Variants in SMYD3 observed in about 807,000 individuals in gnomAD.
The protein encoded by SMYD3 is histone-lysine N-methyltransferase SMYD3.
Under a neutral mutation model 57.7 loss-of-function variants are expected in SMYD3, and 36 were observed. The observed-to-expected ratio is 0.62, with a 90% confidence interval of 0.48 to 0.82. The LOEUF is 0.82. SMYD3 is among the 40% of genes least tolerant of loss of function. The pLI, the probability that SMYD3 is intolerant of heterozygous loss-of-function variation, is 0.00. For synonymous variants in SMYD3, 211 were observed against 195.0 expected, an observed-to-expected ratio of 1.08 and a Z score of -0.68; for missense variants, 515 against 538.8, an observed-to-expected ratio of 0.96 and a Z score of 0.44.
intron 1 of SMYD3, among the ~76,000 whole-genome samples, chr1:246,482,805 T>C (rs1354030577): frequency 4.6e-5 from 7 of 152,208 alleles, no homozygotes; most frequent in Non-Finnish European, 8.8e-5. Flanking sequence ...CAAGGCCATA[T>C]ACTTCTCAGT....
At position 246,228,474 on chromosome 1, in the gene SMYD3, G is replaced by C. The variant is rs961138879; in HGVS notation, c.531+98727C>G. On this transcript the variant is annotated intron_variant, in intron 5 of 11. Transcript: ENST00000490107. Reference sequence around the variant, plus strand: ...ACATTTTGAGGCATAAGAAAATCAAGTATCTGGTTCTGATTTCCACTCTAC... The same window carrying C: ...ACATTTTGAGGCATAAGAAAATCAACTATCTGGTTCTGATTTCCACTCTAC... Among the ~76,000 whole-genome samples the C allele has an allele frequency of 4.6e-5, 7 of 152,196 alleles. 1 individual carries two copies. The highest frequency in any genetic ancestry group is 1.3e-4 in the Admixed American group (2 of 15,276).
chr1:246,327,977 T>G (rs1197748648), intron 4 of SMYD3, among the ~76,000 whole-genome samples: 1 of 152,166 alleles, frequency 6.6e-6, no homozygotes, highest in African/African-American at 2.4e-5. Context: ...GCAGATCACT[T>G]GAGGTCAGTA....
chr1:246,010,486 C>CCT (rs1181179489), intron 5 of SMYD3, among the ~76,000 whole-genome samples: 1 of 152,162 alleles, frequency 6.6e-6, no homozygotes, highest in Non-Finnish European at 1.5e-5. Context: ...TAATAAACTC[C>CCT]CTCTCTGTTT....
At chr1:245,909,272 T>C (rs10924384) in intron 8 of SMYD3, among the ~76,000 whole-genome samples, 13,687 of 151,926 alleles carry the variant, frequency 0.09, 1,919 homozygotes, top group African/African-American at 0.3. Context: ...ACAGAAAACG[T>C]GAACAGAACA....
intron 5 of SMYD3, among the ~76,000 whole-genome samples, chr1:246,255,331 T>A (rs9726870): frequency 0.13 from 19,164 of 149,768 alleles, 2,361 homozygotes; most frequent in African/African-American, 0.31. Flanking sequence ...TAATAATAAT[T>A]ATTATTATTA....
At chr1:245,789,918 T>A (rs2047197983) in intron 10 of SMYD3, among the ~76,000 whole-genome samples, 1 of 152,278 alleles carries the variant, frequency 6.6e-6, no homozygotes, top group African/African-American at 2.4e-5. Flanking sequence ...TGTTCATTTA[T>A]TTGTTCATTC....
chr1:245,757,358 T>C (rs745805319), intron 11 of SMYD3, among the ~76,000 whole-genome samples: 1 of 152,022 alleles, frequency 6.6e-6, no homozygotes, highest in Non-Finnish European at 1.5e-5. Context: ...TGTATGTATA[T>C]ATCCCATTCT....
At chr1:246,027,633 G>A (rs2059599340) in intron 5 of SMYD3, among the ~76,000 whole-genome samples, 1 of 152,140 alleles carries the variant, frequency 6.6e-6, no homozygotes, top group Admixed American at 6.5e-5. Flanking sequence ...TACTGCTCAG[G>A]AATAAGATTG....
intron 10 of SMYD3, among the ~76,000 whole-genome samples, chr1:245,839,353 T>C (rs999422145): frequency 6.6e-6 from 1 of 151,938 alleles, no homozygotes; most frequent in African/African-American, 2.4e-5. Flanking sequence ...GTATTTTTAG[T>C]AGAGACGGGG....
chr1:246,039,595 A>G (rs1160945493), intron 5 of SMYD3, among the ~76,000 whole-genome samples: 2 of 152,204 alleles, frequency 1.3e-5, no homozygotes, highest in African/African-American at 4.8e-5. Flanking sequence ...ATTTACACAA[A>G]TTGATTCCAT....
At chr1:245,921,655 C>T (rs1246341836) in intron 7 of SMYD3, among the ~76,000 whole-genome samples, 1 of 151,844 alleles carries the variant, frequency 6.6e-6, no homozygotes, top group Non-Finnish European at 1.5e-5. Flanking sequence ...AGTGGCCATT[C>T]TCCTAAGCAA....
chr1:246,355,182 GACAC>G lies in SMYD3; in HGVS notation c.165-92_165-89del. 23 of 1,305,628 alleles carry G rather than the reference GACAC, an allele frequency of 1.8e-5. No homozygotes were observed. Among genetic ancestry groups the G allele is most frequent in the Non-Finnish European group, 2.4e-5 (22 of 904,470 alleles). The allele number at this position is 1,305,628 out of a possible 1,614,324, so 80.9% of individuals were successfully genotyped here. A position where few individuals can be genotyped will look rare whatever the true frequency, so the allele number is the denominator to read the frequency against. On this transcript the variant is annotated intron_variant, in intron 1 of 11. Coordinates refer to ENST00000490107, the MANE Select transcript of SMYD3 (RefSeq NM_001167740.2). The surrounding 1 kb of genome is among the most constrained non-coding windows in gnomAD (Gnocchi z 5.0). ...GAAAGAAAACATAAGTCAACATACGGACACCCGTATGTTCTGTTTACTCCATTAT... is the reference window on the plus strand; with the variant it reads ...GAAAGAAAACATAAGTCAACATACGGCCGTATGTTCTGTTTACTCCATTAT...
intron 5 of SMYD3, among the ~76,000 whole-genome samples, chr1:246,092,784 T>C (rs2060844597): frequency 6.6e-6 from 1 of 152,104 alleles, no homozygotes; most frequent in African/African-American, 2.4e-5. Flanking sequence ...TAAAAAGCTT[T>C]TGCATAGCAA....
intron 5 of SMYD3, among the ~76,000 whole-genome samples, chr1:246,261,829 C>A (rs1035866974): frequency 6.6e-6 from 1 of 152,162 alleles, no homozygotes; most frequent in South Asian, 2.1e-4. Flanking sequence ...GCATAAACAG[C>A]GCCCTCTGTC....
At chr1:245,997,752 G>A (rs563275666) in intron 5 of SMYD3, among the ~76,000 whole-genome samples, 4 of 152,186 alleles carry the variant, frequency 2.6e-5, no homozygotes, top group African/African-American at 9.7e-5. Flanking sequence ...ACACAGTCAC[G>A]GCAGCGGACA....
intron 10 of SMYD3, among the ~76,000 whole-genome samples, chr1:245,837,938 T>C (rs966537855): frequency 2.6e-5 from 4 of 152,224 alleles, no homozygotes; most frequent in Admixed American, 1.3e-4. Context: ...CATAACACAA[T>C]GGAATGTGTG....
chr1:246,121,738 G>A (rs939049561), intron 5 of SMYD3, among the ~76,000 whole-genome samples: 1 of 152,150 alleles, frequency 6.6e-6, no homozygotes, highest in Admixed American at 6.5e-5. Context: ...GAAGTAGGAA[G>A]AACATATGCT....
intron 5 of SMYD3, among the ~76,000 whole-genome samples, chr1:245,987,628 C>T (rs955620715): frequency 2.0e-5 from 3 of 152,212 alleles, no homozygotes; most frequent in Non-Finnish European, 4.4e-5. Flanking sequence ...ATTATTCCCA[C>T]TTTATAAATA....
At chr1:246,436,880 G>T (rs546278535) in intron 1 of SMYD3, among the ~76,000 whole-genome samples, 1 of 150,802 alleles carries the variant, frequency 6.6e-6, no homozygotes, top group Non-Finnish European at 1.5e-5. Context: ...AGGGAATAAG[G>T]GTCCTGCCAG....
Sources: allele counts gnomAD v4.1 joint callset (sites outside exome capture counted in the v4.1 genomes callset), GRCh38; gene constraint gnomAD v4.1.1; non-coding constraint Gnocchi (gnomAD v3.1); transcripts MANE v1.5; gene names NCBI Gene and HGNC (gene_info 2026-07-23, HGNC 2026-07-21).